Variants in BMPER observed in about 807,000 individuals in gnomAD.
BMPER encodes the protein BMP binding endothelial regulator.
In BMPER, 45 loss-of-function variants were observed where a neutral mutation model predicts 87.3. The ratio of observed to expected loss-of-function variants is 0.52; its 90% CI spans 0.41 to 0.66. BMPER has a LOEUF of 0.66. Among genes scored for constraint, BMPER ranks in the 30% least tolerant of loss-of-function variants. The probability of loss-of-function intolerance (pLI) is 0.00; values close to 1 mark genes in which losing one functional copy is unlikely to be tolerated. For missense variants in BMPER, 784 were observed against 867.5 expected (o/e 0.90, Z 1.21); for synonymous variants, 326 against 316.2 (o/e 1.03, Z -0.33).
chr7:33,914,017 A>C (rs1215191217), intron 2 of BMPER, among the ~76,000 whole-genome samples: 3 of 147,034 alleles, frequency 2.0e-5, no homozygotes, highest in Non-Finnish European at 4.4e-5. Context: ...GCTGGAGTGC[A>C]GTGGCATGAT....
intron 3 of BMPER, among the ~76,000 whole-genome samples, chr7:33,960,909 TG>T (rs1785254296): frequency 6.6e-6 from 1 of 152,188 alleles, no homozygotes; most frequent in Admixed American, 6.5e-5. Flanking sequence ...ATTCACATTG[TG>T]CATGGAGAAA....
intron 6 of BMPER, chr7:34,042,582 A>G (rs1787859978): frequency 6.6e-6 from 1 of 152,198 alleles, no homozygotes; most frequent in African/African-American, 2.4e-5. Flanking sequence ...GTAAAACCCA[A>G]TAAAACGCAA....
intron 13 of BMPER, among the ~76,000 whole-genome samples, chr7:34,142,591 T>G (rs1416255625): frequency 6.6e-6 from 1 of 152,232 alleles, no homozygotes; most frequent in African/African-American, 2.4e-5. Context: ...ATTAGAGACC[T>G]GAAATGTTTG....
Position 34,056,921 on chromosome 7 carries a change from A to G in BMPER, c.928-1138A>G, listed in dbSNP as rs565883064. 3.3e-5 allele frequency among the ~76,000 whole-genome samples: 5 copies of G among 152,248 alleles called. No individual in the cohort carries two copies. The East Asian group carries it at 9.7e-4, about 29-fold the overall frequency. Reference sequence around the variant, plus strand: ...GTGAGCCACCGCGCCCGGCTGCAATACACTTGTAAGTCACCTTGTAAAAAC... The same window carrying G: ...GTGAGCCACCGCGCCCGGCTGCAATGCACTTGTAAGTCACCTTGTAAAAAC... On this transcript the variant is annotated intron_variant, in intron 9 of 14. Coordinates refer to ENST00000649409, the MANE Select transcript of BMPER (RefSeq NM_001365308.1).
At chr7:34,018,910 G>T (rs773160909) in intron 6 of BMPER, among the ~76,000 whole-genome samples, 1 of 151,986 alleles carries the variant, frequency 6.6e-6, no homozygotes, top group Non-Finnish European at 1.5e-5. Context: ...TGGGCTGCTT[G>T]CCTTGATTCA....
chr7:34,000,096 C>T lies in BMPER; in HGVS notation c.576+25312C>T, dbSNP rs566842355. On this transcript the variant is annotated intron_variant, in intron 6 of 14. Coordinates refer to ENST00000649409, the MANE Select transcript of BMPER (RefSeq NM_001365308.1). ...TTTTCTCCAACAAACTCATGCATCA[C>T]GTAATAATCACATGTCGAGTGCACA... 6.6e-5 allele frequency among the ~76,000 whole-genome samples: 10 copies of T among 152,166 alleles called. No homozygotes were observed. In the South Asian group the frequency reaches 1.2e-3, roughly 19 times the overall value.
intron 6 of BMPER, among the ~76,000 whole-genome samples, chr7:33,990,132 G>GT (rs563113725): frequency 6.8e-6 from 1 of 146,570 alleles, no homozygotes; most frequent in Non-Finnish European, 1.5e-5. Context: ...CTTTAAAGTA[G>GT]TTTTTTCCAA....
chr7:33,984,253 G>A (rs755463567), intron 6 of BMPER, among the ~76,000 whole-genome samples: 9 of 152,080 alleles, frequency 5.9e-5, no homozygotes, highest in Admixed American at 2.6e-4. Flanking sequence ...GGATCACGAG[G>A]TCAGGAGTTC....
chr7:34,039,956 T>G (rs1787792879), intron 6 of BMPER, among the ~76,000 whole-genome samples: 1 of 151,972 alleles, frequency 6.6e-6, no homozygotes, highest in African/African-American at 2.4e-5. Flanking sequence ...AAAGAACTAT[T>G]AACTAGGTAA....
intron 11 of BMPER, among the ~76,000 whole-genome samples, chr7:34,075,501 C>A (rs374465640): frequency 2.0e-5 from 3 of 152,188 alleles, no homozygotes; most frequent in African/African-American, 7.2e-5. Flanking sequence ...TTGAAAACAA[C>A]TCAAAACAAA....
intron 6 of BMPER, among the ~76,000 whole-genome samples, chr7:33,975,174 C>T (rs896159008): frequency 2.0e-5 from 3 of 152,164 alleles, no homozygotes; most frequent in Non-Finnish European, 4.4e-5. Flanking sequence ...CTTTCCTCCA[C>T]GTGCCTCCTT....
At chr7:34,122,939 A>G (rs756039654) in intron 13 of BMPER, among the ~76,000 whole-genome samples, 1 of 152,180 alleles carries the variant, frequency 6.6e-6, no homozygotes, top group Non-Finnish European at 1.5e-5. Context: ...ATTAGTTCTT[A>G]TTTCACATTC....
rs993272787 is a variant in BMPER at position 34,156,104 on chromosome 7, G to T, written c.*2831G>T. ...ACACTAAGAATCACTAACTCTTCAG[G>T]TTGAAGGCCTCACTCATCTTAACTC... On this transcript the variant is annotated 3_prime_UTR_variant, in exon 15 of 15. Transcript: ENST00000649409. 6.6e-6 allele frequency among the ~76,000 whole-genome samples: 1 copy of T among 152,102 alleles called. No individual in the cohort carries two copies. Among genetic ancestry groups the T allele is most frequent in the Non-Finnish European group, 1.5e-5 (1 of 68,022 alleles).
chr7:33,912,201 C>T (rs1310791115), intron 2 of BMPER, among the ~76,000 whole-genome samples: 2 of 152,184 alleles, frequency 1.3e-5, no homozygotes, highest in African/African-American at 4.8e-5. Flanking sequence ...ATTTACATCT[C>T]TATGCCTGTG....
rs1173537906 is a variant in BMPER at position 34,051,971 on chromosome 7, G to A, written c.786+1G>A. On this transcript the variant is annotated splice_donor_variant, in intron 8 of 14. Transcript: ENST00000649409. LOFTEE classifies it high-confidence loss of function. ...TAACTGCACAGCTTGTACCTGCAGGGTAAGGCAGCTCTGAGAGGCTGTGGT... is the reference window on the plus strand; with the variant it reads ...TAACTGCACAGCTTGTACCTGCAGGATAAGGCAGCTCTGAGAGGCTGTGGT... The A allele has an allele frequency of 6.2e-7, 1 of 1,608,926 alleles. No homozygotes were observed. Among genetic ancestry groups the A allele is most frequent in the Non-Finnish European group, 8.5e-7 (1 of 1,175,296 alleles).
chr7:34,119,014 T>TCACACACACACACACACACACA lies in BMPER; in HGVS notation c.1746-24214_1746-24193dup, dbSNP rs138792693. ...CTCTCACTGTCTCTCTCTCTCTCTC[T>TCACACACACACACACACACACA]CACACACACACACACACACACACGC... On this transcript the variant is annotated intron_variant, in intron 13 of 14. Transcript: ENST00000649409. 4.6e-3 allele frequency among the ~76,000 whole-genome samples: 629 copies of TCACACACACACACACACACACA among 135,748 alleles called. 7 individuals are homozygous for TCACACACACACACACACACACA. The highest frequency in any genetic ancestry group is 0.014 in the South Asian group (54 of 3,862). The allele number at this position is 135,748 out of a possible 152,430, so 89.1% of individuals were successfully genotyped here. A position where few individuals can be genotyped will look rare whatever the true frequency, so the allele number is the denominator to read the frequency against.
chr7:34,000,971 A>G (rs1042650431), intron 6 of BMPER, among the ~76,000 whole-genome samples: 1 of 151,960 alleles, frequency 6.6e-6, no homozygotes, highest in Admixed American at 6.6e-5. Context: ...CCTTTTTTAT[A>G]TTAACATGAT....
At chr7:34,098,421 T>TA (rs1320694379) in intron 13 of BMPER, among the ~76,000 whole-genome samples, 11 of 152,162 alleles carry the variant, frequency 7.2e-5, no homozygotes, top group Non-Finnish European at 1.2e-4. Context: ...TTCAGGCTTT[T>TA]AAAGAGTCTG....
chr7:34,139,423 T>A (rs939511321), intron 13 of BMPER, among the ~76,000 whole-genome samples: 2 of 152,248 alleles, frequency 1.3e-5, no homozygotes, highest in Non-Finnish European at 2.9e-5. Context: ...AATATTAATA[T>A]CTTTCATGAT....
Sources: gnomAD v4.1 joint callset for allele counts (sites outside exome capture counted in the v4.1 genomes callset) on GRCh38, gnomAD v4.1.1 for gene constraint, MANE v1.5 for transcripts, NCBI Gene and HGNC (gene_info 2026-07-23, HGNC 2026-07-21) for gene names.